The following CNTN4 variants were observed in gnomAD, a reference collection of about 807,000 sequenced individuals.
CNTN4 encodes contactin 4.
Under a neutral mutation model 122.5 loss-of-function variants are expected in CNTN4, and 77 were observed. The observed-to-expected ratio is 0.63, with a 90% CI of 0.52 to 0.76. The LOEUF is 0.76. Among genes scored for constraint, CNTN4 ranks in the 30% least tolerant of loss-of-function variants. The pLI, the probability that CNTN4 is intolerant of heterozygous loss-of-function variation, is 0.00. For synonymous variants in CNTN4, 512 were observed against 447.0 expected (o/e 1.15, Z -1.83); for missense variants, 1,256 against 1,259.1 (o/e 1.00, Z 0.04).
intron 7 of CNTN4, among the ~76,000 whole-genome samples, chr3:2,827,098 G>A (rs112143534): frequency 1.4e-4 from 21 of 152,212 alleles, no homozygotes; most frequent in African/African-American, 4.8e-4. Flanking sequence ...GACCTCCTTG[G>A]CTATTGACAT....
chr3:2,975,514 A>G lies in CNTN4; in HGVS notation c.1359-12831A>G, dbSNP rs575527064. Among the ~76,000 whole-genome samples the G allele has an allele frequency of 1.1e-4, 16 of 152,330 alleles. 1 individual carries two copies. The South Asian group carries it at 3.1e-3, about 30-fold the overall frequency. On this transcript the variant is annotated intron_variant, in intron 13 of 24. Coordinates refer to ENST00000418658, the MANE Select transcript of CNTN4 (RefSeq NM_175607.3). ...ATGAGATAATCAATGCAAGCAGCCA[A>G]CAGCACCCAATAGGATGTTGTAAGT...
At chr3:2,371,044 T>A (rs2045613402) in intron 3 of CNTN4, among the ~76,000 whole-genome samples, 1 of 152,222 alleles carries the variant, frequency 6.6e-6, no homozygotes, top group Admixed American at 6.5e-5. Context: ...AGGTCTTTAC[T>A]TGTTTTGGGC....
At chr3:2,413,616 T>C (rs1462964299) in intron 3 of CNTN4, among the ~76,000 whole-genome samples, 1 of 152,090 alleles carries the variant, frequency 6.6e-6, no homozygotes, top group Non-Finnish European at 1.5e-5. Flanking sequence ...TGATCTCGGC[T>C]CACTACAACC....
intron 14 of CNTN4, among the ~76,000 whole-genome samples, chr3:3,007,022 T>C (rs1214110501): frequency 1.3e-5 from 2 of 152,186 alleles, no homozygotes; most frequent in Non-Finnish European, 1.5e-5. Flanking sequence ...TGTAGTTCCC[T>C]GAAAACATAC....
chr3:2,819,795 G>A (rs1028015036), intron 7 of CNTN4, among the ~76,000 whole-genome samples: 3 of 152,084 alleles, frequency 2.0e-5, no homozygotes. Flanking sequence ...CAGTGTACCT[G>A]GCACAAGAAG....
intron 2 of CNTN4, among the ~76,000 whole-genome samples, chr3:2,280,964 G>T (rs1463027289): frequency 2.0e-5 from 3 of 152,182 alleles, no homozygotes; most frequent in Non-Finnish European, 2.9e-5. Context: ...TCCTTGCTCT[G>T]TTAGTGAAAA....
chr3:2,684,561 C>A (rs149384073), intron 4 of CNTN4, among the ~76,000 whole-genome samples: 44 of 152,236 alleles, frequency 2.9e-4, no homozygotes, highest in African/African-American at 9.6e-4. Context: ...AGTTAAAGAT[C>A]TCGGCATAAA....
chr3:2,329,060 AAAT>A (rs1411227610), intron 2 of CNTN4, among the ~76,000 whole-genome samples: 2 of 152,228 alleles, frequency 1.3e-5, no homozygotes, highest in African/African-American at 4.8e-5. Context: ...CACAAATGGA[AAAT>A]AATAAAATAA....
chr3:2,460,091 T>G (rs905111881), intron 3 of CNTN4, among the ~76,000 whole-genome samples: 1 of 152,180 alleles, frequency 6.6e-6, no homozygotes, highest in South Asian at 2.1e-4. Flanking sequence ...CTCTGATAGA[T>G]CTCTAATATA....
chr3:2,956,298 A>C (rs1654038068), intron 13 of CNTN4, among the ~76,000 whole-genome samples: 2 of 152,134 alleles, frequency 1.3e-5, no homozygotes, highest in African/African-American at 4.8e-5. Flanking sequence ...GGTAATGGGA[A>C]GTCATTGTTT....
At chr3:2,356,244 G>C (rs903621845) in intron 3 of CNTN4, among the ~76,000 whole-genome samples, 2 of 152,172 alleles carry the variant, frequency 1.3e-5, no homozygotes, top group Non-Finnish European at 2.9e-5. Context: ...AGAAAGTAAA[G>C]GAATAAGAGA....
At chr3:2,894,063 C>G (rs551389348) in intron 10 of CNTN4, among the ~76,000 whole-genome samples, 103 of 152,264 alleles carry the variant, frequency 6.8e-4, no homozygotes, top group Non-Finnish European at 1.3e-3. Context: ...AGAAAACTGA[C>G]TATATTTTTC....
rs907572622 is a variant in CNTN4, at chr3:2,225,022, C to T, written c.-144-114156C>T. On this transcript the variant is annotated intron_variant, in intron 2 of 24. Transcript: ENST00000418658. ...AAAATTAGCCGGTTGCGGTGGCGGG[C>T]GCCTGTAGTCCCAGCTACTCGGGAG... Among the ~76,000 whole-genome samples the T allele has an allele frequency of 3.3e-5, 5 of 151,618 alleles. 1 individual carries two copies. The highest frequency in any genetic ancestry group is 7.3e-5 in the African/African-American group (3 of 41,292).
At chr3:2,528,712 A>G (rs1455384323) in intron 3 of CNTN4, among the ~76,000 whole-genome samples, 6 of 152,100 alleles carry the variant, frequency 3.9e-5, no homozygotes, top group Non-Finnish European at 8.8e-5. Context: ...TAGAATATGA[A>G]CCAAGGTTTT....
At chr3:2,598,037 T>C (rs917397231) in intron 4 of CNTN4, among the ~76,000 whole-genome samples, 1 of 152,212 alleles carries the variant, frequency 6.6e-6, no homozygotes, top group Non-Finnish European at 1.5e-5. Flanking sequence ...AGAATTGATT[T>C]TTGTAATTCT....
At chr3:2,863,419 C>T (rs1240932513) in intron 7 of CNTN4, among the ~76,000 whole-genome samples, 2 of 130,912 alleles carry the variant, frequency 1.5e-5, no homozygotes, top group African/African-American at 2.9e-5. Context: ...CTGTTTGAGG[C>T]TCTTCTTGGC....
At chr3:2,125,562 C>CT (rs201659840) in intron 2 of CNTN4, among the ~76,000 whole-genome samples, 175 of 123,992 alleles carry the variant, frequency 1.4e-3, no homozygotes, top group Middle Eastern at 4.0e-3. Flanking sequence ...TTTTCTTTTT[C>CT]TTTTTTTTTT....
chr3:2,266,756 G>A (rs529167898), intron 2 of CNTN4, among the ~76,000 whole-genome samples: 12 of 152,162 alleles, frequency 7.9e-5, no homozygotes, highest in Admixed American at 2.6e-4. Flanking sequence ...TGTTGGAGTC[G>A]TCTCAGAAGG....
chr3:2,647,361 AC>A (rs2083171615), intron 4 of CNTN4, among the ~76,000 whole-genome samples: 1 of 151,362 alleles, frequency 6.6e-6, no homozygotes, highest in Non-Finnish European at 1.5e-5. Flanking sequence ...AGCCTGGGCA[AC>A]GAGAGCGAAA....
Sources: allele counts gnomAD v4.1 joint callset (sites outside exome capture counted in the v4.1 genomes callset), GRCh38; gene constraint gnomAD v4.1.1; transcripts MANE v1.5; gene names NCBI Gene and HGNC (gene_info 2026-07-23, HGNC 2026-07-21).